NLGN1: variants seen among roughly 807,000 people sequenced by gnomAD.
NLGN1 encodes neuroligin-1.
NLGN1 carries 12 observed loss-of-function variants against 65.5 expected under a neutral mutation model. That is an observed-to-expected ratio of 0.18 (90% CI 0.12 to 0.30). NLGN1 has a LOEUF of 0.30. NLGN1 is among the 10% of genes least tolerant of loss of function. The pLI, the probability that NLGN1 is intolerant of heterozygous loss-of-function variation, is 1.00. For missense variants in NLGN1, 750 were observed against 1,007.1 expected (o/e 0.74, Z 3.46); for synonymous variants, 350 against 359.5 (o/e 0.97, Z 0.30).
chr3:173,858,110 A>G (rs952135266), intron 4 of NLGN1, among the ~76,000 whole-genome samples: 5 of 152,118 alleles, frequency 3.3e-5, no homozygotes, highest in African/African-American at 1.2e-4. Flanking sequence ...GAACTATTTC[A>G]AGAACCTCAC....
At chr3:174,145,020 G>T (rs1722951081) in intron 4 of NLGN1, among the ~76,000 whole-genome samples, 1 of 151,960 alleles carries the variant, frequency 6.6e-6, no homozygotes, top group African/African-American at 2.4e-5. Flanking sequence ...TTTTTCTAGG[G>T]TTTTTATGGT....
At chr3:173,635,808 T>G (rs1273218174) in intron 3 of NLGN1, among the ~76,000 whole-genome samples, 2 of 152,154 alleles carry the variant, frequency 1.3e-5, no homozygotes, top group Non-Finnish European at 2.9e-5. Context: ...TATGGGGACT[T>G]AAGTTAATTG....
At chr3:173,939,058 G>T (rs929259225) in intron 4 of NLGN1, among the ~76,000 whole-genome samples, 1 of 152,106 alleles carries the variant, frequency 6.6e-6, no homozygotes, top group African/African-American at 2.4e-5. Flanking sequence ...AAAAATGCAA[G>T]CCATAGCAAA....
Position 174,269,844 on chromosome 3 carries a change from G to GTGAT in NLGN1, c.647-5466_647-5463dup, listed in dbSNP as rs200667752. On this transcript the variant is annotated intron_variant, in intron 4 of 6. Coordinates refer to ENST00000457714, the Ensembl canonical transcript of NLGN1. ...AATCTTCTACATCCTTTCCTATTTT[G>GTGAT]TGATTGATAGTAGTCATCCTGTGGG... 6.0e-3 allele frequency among the ~76,000 whole-genome samples: 913 copies of GTGAT among 151,854 alleles called. 24 individuals carry two copies. Among genetic ancestry groups the GTGAT allele is most frequent in the East Asian group, 0.032 (163 of 5,162 alleles).
At chr3:173,444,807 G>C (rs545873672) in intron 2 of NLGN1, among the ~76,000 whole-genome samples, 1 of 151,870 alleles carries the variant, frequency 6.6e-6, no homozygotes, top group Admixed American at 6.6e-5. Context: ...TATAAATGTG[G>C]ATAGATACTG....
At chr3:174,234,436 T>C (rs928212925) in intron 4 of NLGN1, among the ~76,000 whole-genome samples, 1 of 152,190 alleles carries the variant, frequency 6.6e-6, no homozygotes, top group African/African-American at 2.4e-5. Context: ...TAGAGTTGTA[T>C]GCATGTTCAC....
intron 3 of NLGN1, among the ~76,000 whole-genome samples, chr3:173,770,272 A>G (rs1317406718): frequency 2.6e-5 from 4 of 152,162 alleles, no homozygotes; most frequent in Admixed American, 2.6e-4. Flanking sequence ...AAAATGACCT[A>G]TAATAGGATA....
chr3:173,923,662 T>A (rs1488213985), intron 4 of NLGN1, among the ~76,000 whole-genome samples: 1 of 152,128 alleles, frequency 6.6e-6, no homozygotes, highest in Non-Finnish European at 1.5e-5. Context: ...AGTATAAATC[T>A]GATAAATAAA....
intron 4 of NLGN1, among the ~76,000 whole-genome samples, chr3:174,078,563 T>C (rs1343851463): frequency 6.6e-6 from 1 of 152,152 alleles, no homozygotes; most frequent in Non-Finnish European, 1.5e-5. Context: ...AATGACCTAA[T>C]GGAAGGGTTT....
At chr3:173,629,682 T>G (rs1220098779) in intron 3 of NLGN1, among the ~76,000 whole-genome samples, 1 of 152,128 alleles carries the variant, frequency 6.6e-6, no homozygotes, top group Non-Finnish European at 1.5e-5. Flanking sequence ...AAGTTTCTAT[T>G]AGACAACTCC....
At chr3:174,265,783 G>GTATATA (rs1168048305) in intron 4 of NLGN1, among the ~76,000 whole-genome samples, 129 of 128,490 alleles carry the variant, frequency 1.0e-3, no homozygotes, top group East Asian at 4.7e-3. Context: ...ATATATATAT[G>GTATATA]TATATATATA....
intron 4 of NLGN1, among the ~76,000 whole-genome samples, chr3:174,198,209 G>A (rs1733820173): frequency 6.6e-6 from 1 of 152,080 alleles, no homozygotes. Flanking sequence ...TATTTATCAG[G>A]TATGTATTGT....
chr3:173,568,851 T>G (rs1201345276), intron 2 of NLGN1, among the ~76,000 whole-genome samples: 2 of 152,074 alleles, frequency 1.3e-5, no homozygotes. Flanking sequence ...TTTTTTTTTC[T>G]TGTATTTTTA....
At position 173,960,765 on chromosome 3, in the gene NLGN1, A is replaced by AT. The variant is rs1223233158; in HGVS notation, c.646+152943dup. Among the ~76,000 whole-genome samples the AT allele has an allele frequency of 8.8e-3, 1,313 of 148,846 alleles. 25 individuals are homozygous for AT. The highest frequency in any genetic ancestry group is 0.029 in the African/African-American group (1,195 of 40,744). On this transcript the variant is annotated intron_variant, in intron 4 of 6. Coordinates refer to ENST00000457714, the Ensembl canonical transcript of NLGN1. Reference sequence around the variant, plus strand: ...GTTAAAATAGATAGGAAGACAACTTATTTTTTTTTTCAGTCCTCTAATATT... The same window carrying AT: ...GTTAAAATAGATAGGAAGACAACTTATTTTTTTTTTTCAGTCCTCTAATATT...
At chr3:173,421,036 G>A (rs906991043) in intron 1 of NLGN1, among the ~76,000 whole-genome samples, 18 of 151,940 alleles carry the variant, frequency 1.2e-4, no homozygotes, top group Admixed American at 1.0e-3. Context: ...TCTGTCTACT[G>A]TGTTTCTTCT....
At chr3:173,676,712 C>A (rs1029866267) in intron 3 of NLGN1, among the ~76,000 whole-genome samples, 2 of 152,042 alleles carry the variant, frequency 1.3e-5, no homozygotes, top group African/African-American at 4.8e-5. Flanking sequence ...AAATATCTAT[C>A]TTTAGTCTGA....
intron 3 of NLGN1, among the ~76,000 whole-genome samples, chr3:173,719,431 A>G (rs1240912901): frequency 6.6e-6 from 1 of 152,166 alleles, no homozygotes; most frequent in African/African-American, 2.4e-5. Context: ...TCTGGTCCTC[A>G]GACATCATTT....
At chr3:174,144,505 C>T (rs148801234) in intron 4 of NLGN1, among the ~76,000 whole-genome samples, 32 of 152,252 alleles carry the variant, frequency 2.1e-4, no homozygotes, top group East Asian at 5.8e-4. Flanking sequence ...TCTTCCACAA[C>T]GGCTGAACTA....
intron 3 of NLGN1, among the ~76,000 whole-genome samples, chr3:173,773,845 G>A (rs980284004): frequency 6.6e-6 from 1 of 152,206 alleles, no homozygotes; most frequent in African/African-American, 2.4e-5. Context: ...CAGAGTGACT[G>A]AGGTATGAAA....
Sources: allele counts gnomAD v4.1 joint callset (sites outside exome capture counted in the v4.1 genomes callset), GRCh38; gene constraint gnomAD v4.1.1; transcripts MANE v1.5; gene names NCBI Gene and HGNC (gene_info 2026-07-23, HGNC 2026-07-21).